Variants in UBR3 observed in about 807,000 individuals in gnomAD.
UBR3 encodes ubiquitin protein ligase E3 component n-recognin 3.
UBR3 carries 85 observed loss-of-function variants against 243.2 expected under a neutral mutation model. The ratio of observed to expected loss-of-function variants is 0.35; its 90% CI spans 0.29 to 0.42. The LOEUF is 0.42. UBR3 is among the 10% of genes least tolerant of loss of function. The pLI is 1.00. For synonymous variants in UBR3, 748 were observed against 799.8 expected (o/e 0.94, Z 1.09); for missense variants, 1,686 against 2,300.8 (o/e 0.73, Z 5.47).
intron 11 of UBR3, among the ~76,000 whole-genome samples, chr2:169,919,036 G>A (rs965620255): frequency 2.0e-5 from 3 of 152,174 alleles, no homozygotes; most frequent in African/African-American, 7.2e-5. Context: ...TGTCAACTGA[G>A]CAAAGTCTTA....
rs945025947 is a variant in UBR3 at position 169,922,487 on chromosome 2, AT to A, written c.1867-1437del. ...AAACATAAAATTCACTATCTTAATCATTTTTAAGTGTATAGTTCAGTAGTGT... is the reference window on the plus strand; with the variant it reads ...AAACATAAAATTCACTATCTTAATCATTTTAAGTGTATAGTTCAGTAGTGT... On this transcript the variant is annotated intron_variant, in intron 11 of 38. Coordinates refer to ENST00000272793, the MANE Select transcript of UBR3 (RefSeq NM_172070.4). Among the ~76,000 whole-genome samples, 90 of 152,058 alleles carry A rather than the reference AT, an allele frequency of 5.9e-4. 1 individual carries two copies. The highest frequency in any genetic ancestry group is 2.1e-3 in the African/African-American group (86 of 41,482).
chr2:169,963,792 G>A (rs1559138495), intron 24 of UBR3, among the ~76,000 whole-genome samples: 2 of 152,086 alleles, frequency 1.3e-5, no homozygotes. Flanking sequence ...GTTTTACAAT[G>A]CTATTTTTTT....
rs2086635117 is a variant in UBR3, at chr2:169,942,569, A to G, written c.2740A>G (p.Lys914Glu). Residue 914 changes from lysine (K) to glutamate (E), a missense_variant, in exon 20 of 39, where the codon AAA (lysine) becomes GAA (glutamate). Coordinates refer to ENST00000272793, the MANE Select transcript of UBR3 (RefSeq NM_172070.4). The stretch of plus-strand genomic sequence containing the variant: ...AAGGACATCACTCCATCCTAGCTAT[A>G]AAGGTCTTATGAGACTTTTGCACTG... ...KKRTSLHPSY[K>E]GLMRLLHCKT... 3 of 1,550,696 alleles carry G rather than the reference A, an allele frequency of 1.9e-6. No individual in the cohort carries two copies. The highest frequency in any genetic ancestry group is 2.6e-6 in the Non-Finnish European group (3 of 1,146,732).
Position 169,871,185 on chromosome 2 carries a change from C to T in UBR3, c.546-1051C>T, listed in dbSNP as rs1017302253. On this transcript the variant is annotated intron_variant, in intron 1 of 38. Transcript: ENST00000272793. ...GAATAGTTTTCTTCAGGGTGGGGCA[C>T]AGTGGCTCACAATCCCAGTACTTTG... is the stretch of plus-strand genomic sequence containing the variant. 7.2e-5 allele frequency among the ~76,000 whole-genome samples: 11 copies of T among 152,108 alleles called. 1 individual carries two copies. Among genetic ancestry groups the T allele is most frequent in the African/African-American group, 1.4e-4 (6 of 41,418 alleles).
rs779537708 is a variant in UBR3 at position 169,950,079 on chromosome 2, T to G, written c.3545+14T>G. The G allele has an allele frequency of 6.5e-7, 1 of 1,530,302 alleles. No individual in the cohort carries two copies. The highest frequency in any genetic ancestry group is 1.4e-5 in the African/African-American group (1 of 71,822). 94.8% of individuals were successfully genotyped at this position (1,530,302 alleles called of 1,614,324 possible). ...CAAAGAAGAAAGGTAATTTTTATTT[T>G]TAATGTTTTAAACGTGTGTATAGTT... On this transcript the variant is annotated intron_variant, in intron 23 of 38. Coordinates refer to ENST00000272793, the MANE Select transcript of UBR3 (RefSeq NM_172070.4).
chr2:170,030,121 A>T (rs368537938), intron 31 of UBR3, among the ~76,000 whole-genome samples: 1 of 152,060 alleles, frequency 6.6e-6, no homozygotes, highest in Non-Finnish European at 1.5e-5. Flanking sequence ...CTCCATTTCA[A>T]TCTTTCCTCT....
At position 169,866,150 on chromosome 2, in the gene UBR3, C is replaced by CAAAAAAAAAA. The variant is rs578054467; in HGVS notation, c.546-6065_546-6056dup. On this transcript the variant is annotated intron_variant, in intron 1 of 38. Transcript: ENST00000272793. ...TGGGCAACAGAGCGAGACTGTGTCT[C>CAAAAAAAAAA]AAAAAAAAAAAAAAAAAAAAAAAAA... 6.6e-4 allele frequency among the ~76,000 whole-genome samples: 35 copies of CAAAAAAAAAA among 53,382 alleles called. 2 individuals are homozygous for CAAAAAAAAAA. The highest frequency in any genetic ancestry group is 3.4e-3 in the African/African-American group (32 of 9,462). 35.0% of individuals were successfully genotyped at this position (53,382 alleles called of 152,430 possible).
intron 35 of UBR3, among the ~76,000 whole-genome samples, chr2:170,067,782 T>A (rs911030746): frequency 4.8e-4 from 73 of 151,540 alleles, no homozygotes; most frequent in African/African-American, 1.7e-3. Context: ...TTTTTTTTTT[T>A]TTTTTTTGAG....
At chr2:169,968,730 G>T (rs1369601487) in intron 24 of UBR3, among the ~76,000 whole-genome samples, 1 of 152,034 alleles carries the variant, frequency 6.6e-6, no homozygotes. Flanking sequence ...TGGGTCATTT[G>T]GTAGATCTAT....
Position 170,015,277 on chromosome 2 carries a change from A to G in UBR3, c.4368-4A>G. 1 of 1,608,880 alleles carries G rather than the reference A, an allele frequency of 6.2e-7. No homozygotes were observed. On this transcript the variant is annotated splice_polypyrimidine_tract_variant and splice_region_variant and intron_variant, in intron 29 of 38. Transcript: ENST00000272793. The stretch of plus-strand genomic sequence containing the variant: ...ATGACTGAGATATAATGTTTTACTT[A>G]CAGAACCAATTTAGAACTTGAATTG...
chr2:169,943,700 A>G (rs896215080), intron 20 of UBR3, among the ~76,000 whole-genome samples: 9 of 152,180 alleles, frequency 5.9e-5, no homozygotes, highest in Non-Finnish European at 1.2e-4. Flanking sequence ...AGATACAAAG[A>G]AAACCTATTG....
chr2:169,961,035 T>C (rs1012173451), intron 24 of UBR3, among the ~76,000 whole-genome samples: 2 of 152,130 alleles, frequency 1.3e-5, no homozygotes, highest in Non-Finnish European at 2.9e-5. Context: ...TATGTTGCCT[T>C]TTGTTTTCCT....
intron 8 of UBR3, among the ~76,000 whole-genome samples, chr2:169,902,162 A>T (rs1182057364): frequency 6.6e-6 from 1 of 152,170 alleles, no homozygotes; most frequent in Non-Finnish European, 1.5e-5. Context: ...ACTTCTTTTT[A>T]TTCCTTGCAG....
intron 24 of UBR3, among the ~76,000 whole-genome samples, chr2:169,983,960 G>T (rs771915313): frequency 1.3e-5 from 2 of 152,132 alleles, no homozygotes; most frequent in African/African-American, 4.8e-5. Context: ...GAATTCCAGG[G>T]TTATTTGGTA....
At chr2:170,013,923 G>A (rs550718660) in intron 29 of UBR3, 7 of 468,954 alleles carry the variant, frequency 1.5e-5, no homozygotes, top group African/African-American at 4.0e-5. Context: ...GCTGGTCTCC[G>A]CTCGCTTTCT....
chr2:169,993,746 TTTTA>T (rs1400910399), intron 25 of UBR3, among the ~76,000 whole-genome samples: 3 of 152,326 alleles, frequency 2.0e-5, no homozygotes, highest in Admixed American at 6.5e-5. Context: ...CCTTTTACCC[TTTTA>T]TTTGATTTTC....
intron 1 of UBR3, among the ~76,000 whole-genome samples, chr2:169,831,979 C>A (rs944399808): frequency 6.6e-6 from 1 of 152,114 alleles, no homozygotes; most frequent in Non-Finnish European, 1.5e-5. Context: ...GAGAATAAAT[C>A]TTTCTGTGCC....
At chr2:169,964,423 A>C (rs766986757) in intron 24 of UBR3, 2 of 470,458 alleles carry the variant, frequency 4.3e-6, no homozygotes, top group Middle Eastern at 6.5e-4. Context: ...TTTCTGAGGA[A>C]TCAATTAAGC....
At chr2:170,033,577 A>ACCCCCC (rs1250645725) in intron 31 of UBR3, among the ~76,000 whole-genome samples, 1 of 39,466 alleles carries the variant, frequency 2.5e-5, no homozygotes, top group African/African-American at 1.5e-4. Context: ...GTTTTTCCAC[A>ACCCCCC]CCCACCCCCC....
Sources: gnomAD v4.1 joint callset for allele counts (sites outside exome capture counted in the v4.1 genomes callset) on GRCh38, gnomAD v4.1.1 for gene constraint, MANE v1.5 for transcripts, NCBI Gene and HGNC (gene_info 2026-07-23, HGNC 2026-07-21) for gene names.